The following FSTL5 variants were observed in gnomAD, a reference collection of about 807,000 sequenced individuals.
FSTL5 encodes the protein follistatin-related protein 5.
Under a neutral mutation model 89.1 loss-of-function variants are expected in FSTL5, and 62 were observed. The ratio of observed to expected loss-of-function variants is 0.70; its 90% confidence interval spans 0.57 to 0.86. The LOEUF (loss-of-function observed/expected upper bound fraction) is 0.86. FSTL5 is among the 40% of genes least tolerant of loss of function. The pLI is 0.00. For missense variants in FSTL5, 1,057 were observed against 1,001.6 expected (o/e 1.06, Z -0.75); for synonymous variants, 383 against 346.2 (o/e 1.11, Z -1.18).
At chr4:161,748,780 G>GTATGA (rs1740291490) in intron 6 of FSTL5, among the ~76,000 whole-genome samples, 1 of 151,964 alleles carries the variant, frequency 6.6e-6, no homozygotes, top group South Asian at 2.1e-4. Context: ...GACAGAAGAT[G>GTATGA]TATGATTAAA....
At chr4:161,657,910 C>G (rs1393683591) in intron 6 of FSTL5, among the ~76,000 whole-genome samples, 2 of 152,144 alleles carry the variant, frequency 1.3e-5, no homozygotes, top group Admixed American at 1.3e-4. Flanking sequence ...CATCTAATCT[C>G]TAAACCTAAA....
At chr4:161,788,085 T>C (rs1741973892) in intron 4 of FSTL5, among the ~76,000 whole-genome samples, 1 of 152,210 alleles carries the variant, frequency 6.6e-6, no homozygotes, top group African/African-American at 2.4e-5. Context: ...ATGTATGTTG[T>C]CAGATGAAAA....
chr4:161,807,530 T>C (rs1277387364), intron 4 of FSTL5, among the ~76,000 whole-genome samples: 2 of 152,318 alleles, frequency 1.3e-5, no homozygotes, highest in African/African-American at 2.4e-5. Flanking sequence ...AGCAAATATT[T>C]TCTGTAAATT....
chr4:161,963,178 T>C (rs554278309), intron 3 of FSTL5, among the ~76,000 whole-genome samples: 1 of 152,088 alleles, frequency 6.6e-6, no homozygotes, highest in East Asian at 1.9e-4. Flanking sequence ...TTTTTTTCAC[T>C]TTCTTGTAAT....
chr4:161,969,334 T>C lies in FSTL5; in HGVS notation c.161-48682A>G, dbSNP rs551291666. Among the ~76,000 whole-genome samples, 9 of 152,264 alleles carry C rather than the reference T, an allele frequency of 5.9e-5. No individual in the cohort carries two copies. The East Asian group carries it at 1.7e-3, about 29-fold the overall frequency. ...CAAGTGTTGAAAATAACATATTTTA[T>C]CTGGTTTATCTGATTTTCAACATTT... is the stretch of plus-strand genomic sequence containing the variant. On this transcript the variant is annotated intron_variant, in intron 3 of 15. Transcript: ENST00000306100.
chr4:162,098,442 G>A lies in FSTL5; in HGVS notation c.126+12829C>T, dbSNP rs546071877. Among the ~76,000 whole-genome samples, 19 of 152,094 alleles carry A rather than the reference G, an allele frequency of 1.2e-4. No individual in the cohort carries two copies. In the South Asian group the frequency reaches 3.9e-3, roughly 32 times the overall value. ...AATATACACTTTTGTTCAAGACTCA[G>A]AGAATACGCATGTAACATCTGGGCT... On this transcript the variant is annotated intron_variant, in intron 2 of 15. Transcript: ENST00000306100.
intron 10 of FSTL5, among the ~76,000 whole-genome samples, chr4:161,514,749 A>C (rs913098161): frequency 6.6e-6 from 1 of 152,156 alleles, no homozygotes; most frequent in Non-Finnish European, 1.5e-5. Flanking sequence ...GTATAAATAG[A>C]AGACAATCAA....
chr4:162,148,549 G>A (rs77334290), intron 1 of FSTL5, among the ~76,000 whole-genome samples: 35,356 of 151,836 alleles, frequency 0.23, 4,308 homozygotes, highest in Non-Finnish European at 0.26. Context: ...AATTTAATTA[G>A]AAGTTTTAAA....
intron 15 of FSTL5, among the ~76,000 whole-genome samples, chr4:161,412,241 G>A (rs1320978047): frequency 1.3e-5 from 2 of 152,032 alleles, no homozygotes; most frequent in Admixed American, 6.6e-5. Context: ...AAGAATCAAT[G>A]TCATAAAAAT....
At chr4:162,158,300 G>A (rs1256499525) in intron 1 of FSTL5, among the ~76,000 whole-genome samples, 1 of 151,948 alleles carries the variant, frequency 6.6e-6, no homozygotes, top group Non-Finnish European at 1.5e-5. Context: ...GGGAAACACT[G>A]GCTGCTGCTA....
chr4:161,606,540 T>G (rs1025726607), intron 7 of FSTL5, among the ~76,000 whole-genome samples: 2 of 152,126 alleles, frequency 1.3e-5, no homozygotes, highest in Non-Finnish European at 2.9e-5. Context: ...CGATTATCTG[T>G]GAAGTAATGT....
chr4:162,057,405 A>C (rs1221291383), intron 2 of FSTL5, among the ~76,000 whole-genome samples: 1 of 152,208 alleles, frequency 6.6e-6, no homozygotes, highest in Non-Finnish European at 1.5e-5. Context: ...AGGATAACTT[A>C]GAAATTACTC....
intron 1 of FSTL5, among the ~76,000 whole-genome samples, chr4:162,113,141 T>C (rs1286940061): frequency 6.6e-6 from 1 of 152,168 alleles, no homozygotes; most frequent in Non-Finnish European, 1.5e-5. Context: ...TCTAGATTGG[T>C]ATATCTTGCT....
chr4:161,664,625 G>A (rs1229638277), intron 6 of FSTL5, among the ~76,000 whole-genome samples: 3 of 152,044 alleles, frequency 2.0e-5, no homozygotes, highest in African/African-American at 4.8e-5. Context: ...ACATTTTTCT[G>A]TCTTTGTCTG....
At chr4:161,934,935 T>C (rs1471443027) in intron 3 of FSTL5, among the ~76,000 whole-genome samples, 2 of 152,126 alleles carry the variant, frequency 1.3e-5, no homozygotes, top group Non-Finnish European at 2.9e-5. Flanking sequence ...ATTGAAACAA[T>C]ACTTAAAATG....
intron 3 of FSTL5, among the ~76,000 whole-genome samples, chr4:161,970,814 A>AT (rs1735462286): frequency 6.6e-6 from 1 of 152,248 alleles, no homozygotes; most frequent in East Asian, 1.9e-4. Context: ...TTGCAAAAAA[A>AT]AATTTTCAAT....
At chr4:162,049,863 A>C (rs1017279990) in intron 2 of FSTL5, among the ~76,000 whole-genome samples, 1 of 152,114 alleles carries the variant, frequency 6.6e-6, no homozygotes. Context: ...AAGAACAAGA[A>C]AGACTAAAGA....
chr4:161,422,484 C>T (rs1245870402), intron 15 of FSTL5, among the ~76,000 whole-genome samples: 1 of 152,092 alleles, frequency 6.6e-6, no homozygotes, highest in African/African-American at 2.4e-5. Context: ...ATTTTGATTA[C>T]CTTTGAATAT....
chr4:161,456,487 G>T (rs975946201), intron 14 of FSTL5, among the ~76,000 whole-genome samples: 8 of 152,144 alleles, frequency 5.3e-5, no homozygotes, highest in South Asian at 4.1e-4. Context: ...CAAAGAAAAA[G>T]ATAAGTAGAA....
Sources: gnomAD v4.1 joint callset for allele counts (sites outside exome capture counted in the v4.1 genomes callset) on GRCh38, gnomAD v4.1.1 for gene constraint, MANE v1.5 for transcripts, NCBI Gene and HGNC (gene_info 2026-07-23, HGNC 2026-07-21) for gene names.